The following ATP2B2 variants were observed in gnomAD, a reference collection of about 807,000 sequenced individuals.
The protein encoded by ATP2B2 is plasma membrane calcium-transporting ATPase 2.
Under a neutral mutation model 120.0 loss-of-function variants are expected in ATP2B2, and 15 were observed. The ratio of observed to expected loss-of-function variants is 0.12; its 90% CI spans 0.08 to 0.19. The LOEUF is 0.19. Among genes scored for constraint, ATP2B2 ranks in the 10% least tolerant of loss-of-function variants. The pLI, the probability that ATP2B2 is intolerant of heterozygous loss-of-function variation, is 1.00. For missense variants in ATP2B2, 1,045 were observed against 1,719.8 expected (o/e 0.61, Z 6.94); for synonymous variants, 694 against 700.3 (o/e 0.99, Z 0.14).
intron 2 of ATP2B2, among the ~76,000 whole-genome samples, chr3:10,598,291 GT>G (rs1273149130): frequency 6.6e-6 from 1 of 152,204 alleles, no homozygotes; most frequent in Admixed American, 6.5e-5. Flanking sequence ...TCAAATTCCA[GT>G]TTCTCTGCTT....
Position 10,356,964 on chromosome 3 carries a change from T to TGAGAGAGAGA in ATP2B2, c.2136+1717_2136+1726dup, listed in dbSNP as rs4040764. ...CACCCCCAAGGAGGGTGTGTGTGTA[T>TGAGAGAGAGA]GAGAGAGAGAGAGAGAGAGAGAGAG... On this transcript the variant is annotated intron_variant, in intron 14 of 22. Coordinates refer to ENST00000360273, the MANE Select transcript of ATP2B2 (RefSeq NM_001001331.4). Among the ~76,000 whole-genome samples, 180 of 144,448 alleles carry TGAGAGAGAGA rather than the reference T, an allele frequency of 1.2e-3. 1 individual carries two copies. Among genetic ancestry groups the TGAGAGAGAGA allele is most frequent in the African/African-American group, 4.2e-3 (168 of 39,600 alleles). The allele number at this position is 144,448 out of a possible 152,430, so 94.8% of individuals were successfully genotyped here. A position where few individuals can be genotyped will look rare whatever the true frequency, so the allele number is the denominator to read the frequency against.
At chr3:10,393,223 G>A (rs2061914746) in intron 5 of ATP2B2, among the ~76,000 whole-genome samples, 2 of 152,196 alleles carry the variant, frequency 1.3e-5, no homozygotes, top group Non-Finnish European at 2.9e-5. Context: ...AGGCAAAGGT[G>A]GGAGGTGGTC....
intron 5 of ATP2B2, among the ~76,000 whole-genome samples, chr3:10,396,432 G>A (rs1399875780): frequency 6.6e-6 from 1 of 152,244 alleles, no homozygotes; most frequent in East Asian, 1.9e-4. Context: ...CTTCTAAGCT[G>A]AAACAGTGCA....
intron 1 of ATP2B2, among the ~76,000 whole-genome samples, chr3:10,705,854 G>A (rs1220639587): frequency 6.6e-6 from 1 of 152,200 alleles, no homozygotes; most frequent in Non-Finnish European, 1.5e-5. Context: ...CCTGGTTTAT[G>A]CTCTGTGGTC....
At chr3:10,582,857 C>T (rs1246588512) in intron 2 of ATP2B2, among the ~76,000 whole-genome samples, 1 of 152,208 alleles carries the variant, frequency 6.6e-6, no homozygotes, top group African/African-American at 2.4e-5. Context: ...CCACATGGCT[C>T]CAGCTGGTAC....
intron 2 of ATP2B2, among the ~76,000 whole-genome samples, chr3:10,575,997 TG>T (rs2068236655): frequency 6.6e-6 from 1 of 152,246 alleles, no homozygotes; most frequent in African/African-American, 2.4e-5. Context: ...GCACTTGGCA[TG>T]GATGGCCTCA....
Position 10,402,109 on chromosome 3 carries a change from T to A in ATP2B2, c.637A>T (p.Ile213Leu). The change falls in exon 4 of 23, where the codon ATA (isoleucine) becomes TTA (leucine). Residue 213 changes from isoleucine (I) to leucine (L), a missense_variant. This residue lies in a region of ATP2B2 where 35 missense variants were observed against 29.9 expected (regional missense o/e 1.17). Transcript: ENST00000360273. The surrounding 1 kb of genome is among the most constrained non-coding windows in gnomAD (Gnocchi z 4.9). ...CACTTACCATATTTGACCTGGGCTATGTCCCCAACCACGATCTCAGCCACA... is the reference window on the plus strand; with the variant it reads ...CACTTACCATATTTGACCTGGGCTAAGTCCCCAACCACGATCTCAGCCACA... ...IPVAEIVVGD[I>L]AQVKYGDLLP... 6.2e-7 allele frequency: 1 copy of A among 1,614,096 alleles called. No homozygotes were observed. Among genetic ancestry groups the A allele is most frequent in the Non-Finnish European group, 8.5e-7 (1 of 1,180,032 alleles).
chr3:10,377,613 G>A (rs2061417226), intron 10 of ATP2B2, among the ~76,000 whole-genome samples: 1 of 152,208 alleles, frequency 6.6e-6, no homozygotes, highest in Non-Finnish European at 1.5e-5. Flanking sequence ...ACTTTAGTTG[G>A]GATGCCCAGT....
In ATP2B2 at chr3:10,469,325, T is replaced by C. The variant is rs2287446; in HGVS notation, c.-319-19463A>G. On this transcript the variant is annotated intron_variant, in intron 1 of 22. Transcript: ENST00000360273. ...ATGAGGCAGGTATTCTTATTATCTC[T>C]ATTTTATAGAAAAGAAAACTAAGGC... 2.1e-3 allele frequency among the ~76,000 whole-genome samples: 320 copies of C among 152,386 alleles called. 5 individuals are homozygous for C. In the South Asian group the frequency reaches 0.042, roughly 20 times the overall value.
chr3:10,425,374 C>T (rs2063116052), intron 2 of ATP2B2, among the ~76,000 whole-genome samples: 1 of 152,034 alleles, frequency 6.6e-6, no homozygotes, highest in Non-Finnish European at 1.5e-5. Context: ...AAGGGGAAGT[C>T]AATATGAACT....
At chr3:10,432,861 G>A (rs915805208) in intron 2 of ATP2B2, among the ~76,000 whole-genome samples, 4 of 152,234 alleles carry the variant, frequency 2.6e-5, no homozygotes, top group East Asian at 1.9e-4. Context: ...AGAGGTTGCT[G>A]TTGGCTTTGG....
intron 1 of ATP2B2, among the ~76,000 whole-genome samples, chr3:10,667,623 G>A (rs139534388): frequency 4.2e-4 from 64 of 152,298 alleles, no homozygotes; most frequent in Middle Eastern, 6.8e-3. Flanking sequence ...TAAAAAGCCC[G>A]AGGGCTCAGC....
At chr3:10,365,275 A>G (rs1001776660) in intron 12 of ATP2B2, among the ~76,000 whole-genome samples, 1 of 152,242 alleles carries the variant, frequency 6.6e-6, no homozygotes, top group Admixed American at 6.5e-5. Flanking sequence ...CACCAATGCC[A>G]TAGGGCCTCC....
Position 10,343,248 on chromosome 3 carries a change from C to T in ATP2B2, c.2704-283G>A, listed in dbSNP as rs1208218433. 6.6e-6 allele frequency among the ~76,000 whole-genome samples: 1 copy of T among 152,124 alleles called. No homozygotes were observed. The highest frequency in any genetic ancestry group is 1.5e-5 in the Non-Finnish European group (1 of 68,014). On this transcript the variant is annotated intron_variant, in intron 18 of 22. Coordinates refer to ENST00000360273, the MANE Select transcript of ATP2B2 (RefSeq NM_001001331.4). This position sits in a 1 kb window ranked among gnomAD's most constrained non-coding sequence, Gnocchi z 4.2. ...TCTGGTAAATTCAGCTGCATCTCAC[C>T]ATCTTCCCCTCTCCCCTCCAGCCCC...
Position 10,328,941 on chromosome 3 carries a change from G to A in ATP2B2, c.3605C>T (p.Pro1202Leu), listed in dbSNP as rs953627979. The change falls in exon 23 of 23, where the codon CCG becomes CTG. Residue 1202 changes from proline (P) to leucine (L), a missense_variant. Physicochemically the swap from Pro to Leu is moderately conservative, Grantham distance 98 (BLOSUM62 -3). Transcript: ENST00000360273. ...EDAALKQNSSPPSSLNKNNSA... is the reference protein window; with the variant it reads ...EDAALKQNSSLPSSLNKNNSA... ...GTTGTTCTTGTTGAGGGATGACGGC[G>A]GGCTCGAGTTCTGCTTGAGCGCGGC... The A allele has an allele frequency of 5.6e-6, 9 of 1,613,806 alleles. 1 individual carries two copies. Among genetic ancestry groups the A allele is most frequent in the African/African-American group, 1.3e-5 (1 of 74,800 alleles).
intron 21 of ATP2B2, 34 bp from the exon 22 acceptor site, chr3:10,338,392 C>T: frequency 1.2e-6 from 2 of 1,613,364 alleles, no homozygotes; most frequent in Non-Finnish European, 1.7e-6. Context: ...GACGGTGGGG[C>T]TGTCCTTCCC....
At chr3:10,620,049 G>A (rs1486856992) in intron 1 of ATP2B2, 1 of 152,248 alleles carries the variant, frequency 6.6e-6, no homozygotes, top group African/African-American at 2.4e-5. Flanking sequence ...AGATCTGACT[G>A]AAACAGTTTT....
chr3:10,543,091 C>T (rs1362576594), intron 2 of ATP2B2, among the ~76,000 whole-genome samples: 1 of 152,220 alleles, frequency 6.6e-6, no homozygotes, highest in Non-Finnish European at 1.5e-5. Flanking sequence ...TTCAATCATT[C>T]CTTCCTCTGT....
chr3:10,384,268 A>G (rs2061609941), intron 8 of ATP2B2, among the ~76,000 whole-genome samples: 1 of 152,142 alleles, frequency 6.6e-6, no homozygotes, highest in African/African-American at 2.4e-5. Flanking sequence ...GAATGATATG[A>G]TATAATGGAT....
Sources: allele counts gnomAD v4.1 joint callset (sites outside exome capture counted in the v4.1 genomes callset), GRCh38; gene constraint gnomAD v4.1.1; regional missense constraint gnomAD v4.1.1; non-coding constraint Gnocchi (gnomAD v3.1); transcripts MANE v1.5; gene names NCBI Gene and HGNC (gene_info 2026-07-23, HGNC 2026-07-21).